The following SULF2 variants were observed in gnomAD, a reference collection of about 807,000 sequenced individuals.
SULF2 encodes the protein extracellular sulfatase Sulf-2.
SULF2 carries 52 observed loss-of-function variants against 107.7 expected under a neutral mutation model. The ratio of observed to expected loss-of-function variants is 0.48; its 90% CI spans 0.39 to 0.61. The LOEUF is 0.61. Among genes scored for constraint, SULF2 ranks in the 20% least tolerant of loss-of-function variants. The pLI, the probability that SULF2 is intolerant of heterozygous loss-of-function variation, is 0.00. For synonymous variants in SULF2, 460 were observed against 464.3 expected, an observed-to-expected ratio of 0.99 and a Z score of 0.12; for missense variants, 993 against 1,177.3, an observed-to-expected ratio of 0.84 and a Z score of 2.29.
chr20:47,745,190 C>T (rs540566094), intron 2 of SULF2, among the ~76,000 whole-genome samples: 46 of 151,678 alleles, frequency 3.0e-4, no homozygotes, highest in Non-Finnish European at 3.7e-4. Context: ...GAACCTATCG[C>T]TATGTCACCA....
At chr20:47,715,288 C>A (rs540900101) in intron 3 of SULF2, among the ~76,000 whole-genome samples, 3 of 151,996 alleles carry the variant, frequency 2.0e-5, no homozygotes, top group Non-Finnish European at 4.4e-5. Context: ...GGCATCTCCC[C>A]ACACCGCCCA....
At chr20:47,778,121 A>G (rs372736462) in intron 1 of SULF2, among the ~76,000 whole-genome samples, 8 of 152,328 alleles carry the variant, frequency 5.3e-5, no homozygotes, top group East Asian at 3.9e-4. Flanking sequence ...AGCCTGGATG[A>G]CAGTGCAAGA....
chr20:47,746,978 T>TA (rs1555853776), intron 2 of SULF2, among the ~76,000 whole-genome samples: 1,042 of 50,890 alleles, frequency 0.02, 12 homozygotes, highest in African/African-American at 0.063. Flanking sequence ...AGAACTTAAA[T>TA]AAATAAAAAA....
At chr20:47,711,580 G>T (rs1461858872) in intron 3 of SULF2, among the ~76,000 whole-genome samples, 1 of 152,150 alleles carries the variant, frequency 6.6e-6, no homozygotes, top group Non-Finnish European at 1.5e-5. Flanking sequence ...TTCGGTACAT[G>T]TTCATCCCAC....
Position 47,678,571 on chromosome 20 carries a change from T to A in SULF2, c.1193+105A>T. On this transcript the variant is annotated intron_variant, in intron 8 of 20. Transcript: ENST00000688720. The surrounding 1 kb of genome is among the most constrained non-coding windows in gnomAD (Gnocchi z 4.5). Reference sequence around the variant, plus strand: ...CATGGCGGGACCTGAGAACCCCAGCTCCCGACCCTTGGAGACCCCACGTTC... The same window carrying A: ...CATGGCGGGACCTGAGAACCCCAGCACCCGACCCTTGGAGACCCCACGTTC... 6.9e-7 allele frequency: 1 copy of A among 1,446,758 alleles called. No homozygotes were observed. The allele number at this position is 1,446,758 out of a possible 1,614,324, so 89.6% of individuals were successfully genotyped here. A position where few individuals can be genotyped will look rare whatever the true frequency, so the allele number is the denominator to read the frequency against.
In SULF2 at chr20:47,666,349, C is replaced by T. The variant is rs148440499; in HGVS notation, c.1716G>A (p.Glu572=). The change falls in exon 12 of 21, where the codon GAG becomes GAA. Residue 572 remains glutamate, a synonymous_variant. Transcript: ENST00000688720. This position sits in a 1 kb window ranked among gnomAD's most constrained non-coding sequence, Gnocchi z 5.4. The part of the protein sequence containing the change: ...LTKRHWPGAP[E]DQDDKDGGDF... Reference sequence around the variant, plus strand: ...CCCCACCATCCTTGTCATCTTGGTCCTCAGGGGCCCCTGGCCAGTGCCGCT... The same window carrying T: ...CCCCACCATCCTTGTCATCTTGGTCTTCAGGGGCCCCTGGCCAGTGCCGCT... 21 of 1,614,108 alleles carry T rather than the reference C, an allele frequency of 1.3e-5. No homozygotes were observed. In the Admixed American group the frequency reaches 2.2e-4, roughly 17 times the overall value.
intron 14 of SULF2, 69 bp from the exon 15 acceptor site, chr20:47,664,258 G>A: frequency 6.7e-7 from 1 of 1,486,356 alleles, no homozygotes; most frequent in East Asian, 2.3e-5. Flanking sequence ...GGTGCAAGCT[G>A]TGATTTCTGG....
intron 3 of SULF2, among the ~76,000 whole-genome samples, chr20:47,715,564 C>T (rs1393548717): frequency 6.8e-6 from 1 of 147,940 alleles, no homozygotes; most frequent in Non-Finnish European, 1.5e-5. Context: ...GGAGACACAG[C>T]TGAGTGAGGG....
Position 47,666,741 on chromosome 20 carries a change from C to T in SULF2, c.1577-253G>A, listed in dbSNP as rs192741876. Among the ~76,000 whole-genome samples, 458 of 152,308 alleles carry T rather than the reference C, an allele frequency of 3.0e-3. 1 individual carries two copies. Among genetic ancestry groups the T allele is most frequent in the African/African-American group, 0.011 (448 of 41,570 alleles). ...GCCACTGACTCAAGAGGATTTCAAG[C>T]GAGAGCTGCTTGCGGGTAAACAAAT... On this transcript the variant is annotated intron_variant, in intron 11 of 20. Transcript: ENST00000688720. This position sits in a 1 kb window ranked among gnomAD's most constrained non-coding sequence, Gnocchi z 5.4.
intron 2 of SULF2, among the ~76,000 whole-genome samples, chr20:47,753,752 C>G (rs1358632820): frequency 2.0e-5 from 3 of 152,262 alleles, no homozygotes; most frequent in Non-Finnish European, 2.9e-5. Context: ...AATCCTCTTG[C>G]TGTCTCAGAG....
intron 10 of SULF2, among the ~76,000 whole-genome samples, chr20:47,675,287 G>A (rs746276171): frequency 3.3e-5 from 5 of 152,190 alleles, no homozygotes; most frequent in Non-Finnish European, 5.9e-5. Flanking sequence ...AGCTCTGGGA[G>A]GGCAGGAGCT....
At chr20:47,658,525 G>A (rs985811960) in intron 20 of SULF2, 133 bp from the exon 21 acceptor site, 18 of 983,126 alleles carry the variant, frequency 1.8e-5, no homozygotes, top group South Asian at 5.4e-5. Context: ...TACTTAGAAC[G>A]GGATTGCCAC....
chr20:47,755,619 T>C (rs567394658), intron 2 of SULF2, among the ~76,000 whole-genome samples: 4 of 152,288 alleles, frequency 2.6e-5, no homozygotes, highest in East Asian at 3.9e-4. Context: ...CACCCGGGTC[T>C]GAGCTTCCAT....
intron 3 of SULF2, among the ~76,000 whole-genome samples, chr20:47,710,104 G>A (rs184992006): frequency 6.6e-5 from 10 of 152,222 alleles, no homozygotes; most frequent in African/African-American, 2.4e-4. Flanking sequence ...GTTTCACCAT[G>A]TTGGCCAGGC....
Position 47,683,140 on chromosome 20 carries a change from C to T in SULF2, c.918G>A (p.Glu306=), listed in dbSNP as rs1187102140. 2.5e-6 allele frequency: 4 copies of T among 1,608,704 alleles called. No homozygotes were observed. The Admixed American group carries it at 6.7e-5, about 27-fold the overall frequency. ...TGTATACGATGTACGTGTTGTCCAGCTCGCCCGTCTCAACCAGCATGTTGT... is the reference window on the plus strand; with the variant it reads ...TGTATACGATGTACGTGTTGTCCAGTTCGCCCGTCTCAACCAGCATGTTGT... ...TIYNMLVETG[E]LDNTYIVYTA... Residue 306 remains glutamate, a synonymous_variant, in exon 7 of 21, where the codon GAG becomes GAA. Coordinates refer to ENST00000688720, the MANE Select transcript of SULF2 (RefSeq NM_001387048.1).
Position 47,757,393 on chromosome 20 carries a change from T to C in SULF2, c.-30A>G, listed in dbSNP as rs2090320067. The C allele has an allele frequency of 6.5e-7, 1 of 1,549,064 alleles. No individual in the cohort carries two copies. The highest frequency in any genetic ancestry group is 8.8e-7 in the Non-Finnish European group (1 of 1,141,504). The stretch of plus-strand genomic sequence containing the variant: ...TTTTTTTGCTGATCTGGTGCTTCTT[T>C]TGGGATGCGGGAGTCTCAAGTTGCG... On this transcript the variant is annotated 5_prime_UTR_variant, in exon 2 of 21. Coordinates refer to ENST00000688720, the MANE Select transcript of SULF2 (RefSeq NM_001387048.1).
At chr20:47,756,097 C>T (rs2090275651) in intron 2 of SULF2, among the ~76,000 whole-genome samples, 1 of 152,190 alleles carries the variant, frequency 6.6e-6, no homozygotes, top group Non-Finnish European at 1.5e-5. Context: ...ATCGGAAATT[C>T]TAAGCATGAC....
chr20:47,755,263 C>G (rs1354869508), intron 2 of SULF2, among the ~76,000 whole-genome samples: 1 of 152,138 alleles, frequency 6.6e-6, no homozygotes, highest in Non-Finnish European at 1.5e-5. Context: ...CTTTGTTCCC[C>G]TCTCTCCTGT....
chr20:47,691,277 G>T (rs1219286755), intron 4 of SULF2, among the ~76,000 whole-genome samples: 1 of 152,204 alleles, frequency 6.6e-6, no homozygotes, highest in African/African-American at 2.4e-5. Flanking sequence ...AAAACAGAGA[G>T]ATGTAACAAA....
Sources: gnomAD v4.1 joint callset for allele counts (sites outside exome capture counted in the v4.1 genomes callset) on GRCh38, gnomAD v4.1.1 for gene constraint, Gnocchi (gnomAD v3.1) non-coding constraint, MANE v1.5 for transcripts, NCBI Gene and HGNC (gene_info 2026-07-23, HGNC 2026-07-21) for gene names.